Variants in CADM1 observed in about 807,000 individuals in gnomAD.
CADM1 encodes the protein cell adhesion molecule 1.
Under a neutral mutation model 53.1 loss-of-function variants are expected in CADM1, and 15 were observed. The observed-to-expected ratio is 0.28, with a 90% confidence interval of 0.19 to 0.44. The LOEUF is 0.44. Ranked by LOEUF, CADM1 falls within the 20% of genes least tolerant of loss-of-function variation. CADM1 has a pLI of 1.00. For missense variants in CADM1, 434 were observed against 611.3 expected, an observed-to-expected ratio of 0.71 and a Z score of 3.06; for synonymous variants, 281 against 243.0, an observed-to-expected ratio of 1.16 and a Z score of -1.45.
intron 1 of CADM1, among the ~76,000 whole-genome samples, chr11:115,448,591 A>G (rs1948503271): frequency 6.7e-6 from 1 of 148,902 alleles, no homozygotes; most frequent in African/African-American, 2.5e-5. Context: ...ATAAACTGCA[A>G]TATTTTGAAA....
At chr11:115,379,927 AGGCTCTTCCTCCCCC>A (rs1946532235) in intron 1 of CADM1, among the ~76,000 whole-genome samples, 1 of 152,174 alleles carries the variant, frequency 6.6e-6, no homozygotes, top group South Asian at 2.1e-4. Flanking sequence ...GTAAAACTGC[AGGCTCTTCCTCCCCC>A]TACAGTATAG....
intron 1 of CADM1, among the ~76,000 whole-genome samples, chr11:115,361,832 T>A (rs548848394): frequency 1.1e-3 from 168 of 152,114 alleles, no homozygotes; most frequent in African/African-American, 3.7e-3. Flanking sequence ...GCACAAGTAA[T>A]CCTCCTAACT....
At chr11:115,489,229 C>A (rs568204547) in intron 1 of CADM1, among the ~76,000 whole-genome samples, 1 of 152,270 alleles carries the variant, frequency 6.6e-6, no homozygotes, top group East Asian at 1.9e-4. Context: ...CAAGTATGAA[C>A]AAACACACTA....
chr11:115,366,897 A>T (rs943568448), intron 1 of CADM1, among the ~76,000 whole-genome samples: 2 of 152,238 alleles, frequency 1.3e-5, no homozygotes, highest in African/African-American at 4.8e-5. Flanking sequence ...AATGTGAAAT[A>T]GTCTGAAAAG....
intron 1 of CADM1, among the ~76,000 whole-genome samples, chr11:115,493,745 A>C (rs915496199): frequency 6.6e-5 from 10 of 152,184 alleles, no homozygotes; most frequent in African/African-American, 2.4e-4. Context: ...TCTGAACTGA[A>C]CCATGAGGAA....
Position 115,411,282 on chromosome 11 carries a change from AAG to A in CADM1, c.124+92987_124+92988del, listed in dbSNP as rs550787772. 2.7e-4 allele frequency among the ~76,000 whole-genome samples: 41 copies of A among 152,320 alleles called. No homozygotes were observed. In the East Asian group the frequency reaches 7.5e-3, roughly 28 times the overall value. On this transcript the variant is annotated intron_variant, in intron 1 of 11. Transcript: ENST00000331581. ...TCTGTGACAAACTGTTTGTGTCAAG[AAG>A]AACAGAAAGTGATTCTCTTTCCTGA...
chr11:115,308,211 TACAC>T (rs1555061188), intron 1 of CADM1, among the ~76,000 whole-genome samples: 21,287 of 139,352 alleles, frequency 0.15, 1,985 homozygotes, highest in African/African-American at 0.23. Context: ...TATATATATA[TACAC>T]ACCTATGAGA....
At chr11:115,320,991 T>C (rs185013798) in intron 1 of CADM1, among the ~76,000 whole-genome samples, 121 of 152,284 alleles carry the variant, frequency 7.9e-4, no homozygotes, top group Non-Finnish European at 1.5e-3. Context: ...TTTTGTAAAA[T>C]CCACATAGTT....
chr11:115,353,064 G>A (rs537427901), intron 1 of CADM1, among the ~76,000 whole-genome samples: 1 of 152,206 alleles, frequency 6.6e-6, no homozygotes, highest in African/African-American at 2.4e-5. Context: ...GACTGAAAAT[G>A]CTAAAGGCTT....
At chr11:115,319,531 T>A (rs1565362780) in intron 1 of CADM1, among the ~76,000 whole-genome samples, 2 of 152,214 alleles carry the variant, frequency 1.3e-5, no homozygotes, top group Admixed American at 6.5e-5. Flanking sequence ...GGTAGAATTA[T>A]ATTCCCATTT....
At position 115,500,454 on chromosome 11, in the gene CADM1, T is replaced by C. The variant is rs1949705592; in HGVS notation, c.124+3817A>G. On this transcript the variant is annotated intron_variant, in intron 1 of 11. Transcript: ENST00000331581. ...TTAAAGCCTAAAAATCATTTAGCAA[T>C]ATAGGCCAAGGAATAATAAAAATTC... Among the ~76,000 whole-genome samples, 5 of 152,306 alleles carry C rather than the reference T, an allele frequency of 3.3e-5. No homozygotes were observed. The South Asian group carries it at 8.3e-4, about 25-fold the overall frequency.
intron 1 of CADM1, among the ~76,000 whole-genome samples, chr11:115,289,844 C>T (rs1229170430): frequency 6.6e-6 from 1 of 152,130 alleles, no homozygotes; most frequent in East Asian, 1.9e-4. Context: ...ATCCGCCCGC[C>T]TCGGCCTCCC....
At chr11:115,435,810 C>G (rs1339720420) in intron 1 of CADM1, among the ~76,000 whole-genome samples, 3 of 152,190 alleles carry the variant, frequency 2.0e-5, no homozygotes, top group Admixed American at 6.5e-5. Flanking sequence ...TTTTGCATTA[C>G]AACAACCGAC....
At chr11:115,281,187 C>T (rs531766458) in intron 1 of CADM1, among the ~76,000 whole-genome samples, 2 of 152,296 alleles carry the variant, frequency 1.3e-5, no homozygotes, top group African/African-American at 2.4e-5. Flanking sequence ...AGCTATGGGT[C>T]CTGGAAGATG....
At chr11:115,441,822 G>A (rs1334182290) in intron 1 of CADM1, among the ~76,000 whole-genome samples, 1 of 152,016 alleles carries the variant, frequency 6.6e-6, no homozygotes, top group Non-Finnish European at 1.5e-5. Context: ...TGGTCAATGT[G>A]TAATCAGGCA....
intron 9 of CADM1, among the ~76,000 whole-genome samples, chr11:115,192,183 T>C (rs1231666866): frequency 6.6e-5 from 10 of 152,362 alleles, no homozygotes; most frequent in East Asian, 1.9e-4. Context: ...ATTTTGTAAG[T>C]TGCTTTATAG....
chr11:115,336,163 C>T (rs1945261944), intron 1 of CADM1, among the ~76,000 whole-genome samples: 1 of 152,076 alleles, frequency 6.6e-6, no homozygotes, highest in South Asian at 2.1e-4. Flanking sequence ...TTCTTTTTTA[C>T]TGTATGTGGA....
At chr11:115,491,757 C>T (rs1200541349) in intron 1 of CADM1, among the ~76,000 whole-genome samples, 2 of 152,054 alleles carry the variant, frequency 1.3e-5, no homozygotes, top group South Asian at 2.1e-4. Context: ...ATATACCATG[C>T]GATACCATGC....
chr11:115,393,141 T>C (rs1281758863), intron 1 of CADM1, among the ~76,000 whole-genome samples: 2 of 148,514 alleles, frequency 1.3e-5, no homozygotes, highest in Non-Finnish European at 3.0e-5. Flanking sequence ...AATTATTATA[T>C]AGTCTTTAAA....
Sources: allele counts gnomAD v4.1 joint callset (sites outside exome capture counted in the v4.1 genomes callset), GRCh38; gene constraint gnomAD v4.1.1; transcripts MANE v1.5; gene names NCBI Gene and HGNC (gene_info 2026-07-23, HGNC 2026-07-21).